AEBP2: variants seen among roughly 807,000 people sequenced by gnomAD.
AEBP2 encodes zinc finger protein AEBP2.
AEBP2 carries 10 observed loss-of-function variants against 50.8 expected under a neutral mutation model. The ratio of observed to expected loss-of-function variants is 0.20; its 90% CI spans 0.12 to 0.33. The LOEUF (loss-of-function observed/expected upper bound fraction) is 0.33, where lower values mean the gene tolerates loss of function less well. Among genes scored for constraint, AEBP2 ranks in the 10% least tolerant of loss-of-function variants. AEBP2 has a pLI of 1.00. For missense variants in AEBP2, 570 were observed against 688.0 expected, an observed-to-expected ratio of 0.83 and a Z score of 1.92; for synonymous variants, 296 against 261.3, an observed-to-expected ratio of 1.13 and a Z score of -1.28.
intron 5 of AEBP2, among the ~76,000 whole-genome samples, chr12:19,506,384 G>A (rs563776421): frequency 5.7e-4 from 87 of 152,286 alleles, no homozygotes; most frequent in African/African-American, 1.9e-3. Flanking sequence ...ACAGGCATGA[G>A]CCACGGTGCC....
At position 19,518,725 on chromosome 12, in the gene AEBP2, C is replaced by T. The variant is rs774122547; in HGVS notation, c.*608C>T. On this transcript the variant is annotated 3_prime_UTR_variant, in exon 8 of 8. Transcript: ENST00000266508. ...TTGTATTTAAGCAAACAGTGAACGA[C>T]GTTTGCAATCAACTAAAAATTCGTC... The T allele has an allele frequency of 2.7e-6, 4 of 1,482,456 alleles. No homozygotes were observed. The highest frequency in any genetic ancestry group is 1.3e-5 in the South Asian group (1 of 75,822). 91.8% of individuals were successfully genotyped at this position (1,482,456 alleles called of 1,614,324 possible). A position where few individuals can be genotyped will look rare whatever the true frequency, so the allele number is the denominator to read the frequency against.
intron 1 of AEBP2, among the ~76,000 whole-genome samples, chr12:19,430,337 A>G (rs1468871278): frequency 2.6e-5 from 4 of 152,004 alleles, no homozygotes; most frequent in African/African-American, 9.6e-5. Context: ...TGGTCTATAT[A>G]TCTGTTTTGG....
chr12:19,481,881 C>T (rs1948735608), intron 3 of AEBP2, among the ~76,000 whole-genome samples: 1 of 152,144 alleles, frequency 6.6e-6, no homozygotes, highest in African/African-American at 2.4e-5. Flanking sequence ...TCATCCGTAT[C>T]CTGTATTGTT....
chr12:19,493,240 A>G (rs965668273), intron 3 of AEBP2, among the ~76,000 whole-genome samples: 22 of 152,266 alleles, frequency 1.4e-4, no homozygotes, highest in African/African-American at 1.9e-4. Context: ...TAGCTCTACT[A>G]AAAATACAAA....
At chr12:19,416,398 A>G (rs1342633622) in intron 1 of AEBP2, among the ~76,000 whole-genome samples, 1 of 148,628 alleles carries the variant, frequency 6.7e-6, no homozygotes, top group African/African-American at 2.4e-5. Context: ...GGTCTTAGCT[A>G]TCTTTTCTTT....
intron 1 of AEBP2, among the ~76,000 whole-genome samples, chr12:19,446,509 C>G (rs941604246): frequency 7.2e-5 from 11 of 152,068 alleles, no homozygotes; most frequent in African/African-American, 2.4e-4. Context: ...GCAGGCAGAT[C>G]ACAAGGTCAG....
chr12:19,467,383 TC>T (rs1349658324), intron 2 of AEBP2, among the ~76,000 whole-genome samples: 1 of 152,138 alleles, frequency 6.6e-6, no homozygotes, highest in East Asian at 1.9e-4. Context: ...AACCTCCACC[TC>T]CCAGGTTCGA....
chr12:19,450,013 A>G (rs1853225703), intron 1 of AEBP2, among the ~76,000 whole-genome samples: 1 of 152,160 alleles, frequency 6.6e-6, no homozygotes, highest in Admixed American at 6.5e-5. Flanking sequence ...TTTATAACAC[A>G]CAGATGTAAT....
intron 3 of AEBP2, among the ~76,000 whole-genome samples, chr12:19,483,658 C>T (rs1403734812): frequency 6.6e-6 from 1 of 152,104 alleles, no homozygotes; most frequent in Non-Finnish European, 1.5e-5. Flanking sequence ...ATACTTTATG[C>T]TGGGATCTTT....
intron 4 of AEBP2, among the ~76,000 whole-genome samples, chr12:19,496,242 A>G (rs927160746): frequency 6.6e-6 from 1 of 152,160 alleles, no homozygotes; most frequent in Non-Finnish European, 1.5e-5. Context: ...GCTTAAGTAT[A>G]TGTTTCTTTT....
intron 5 of AEBP2, among the ~76,000 whole-genome samples, chr12:19,507,353 T>C (rs563102314): frequency 7.2e-5 from 11 of 152,254 alleles, no homozygotes; most frequent in African/African-American, 2.6e-4. Flanking sequence ...ATGAAATCCT[T>C]AGCTTCACCA....
Position 19,509,325 on chromosome 12 carries a change from G to A in AEBP2, c.1300-3073G>A, listed in dbSNP as rs1408146241. ...ATTTCATCTACTATGAATGCTTTTG[G>A]TTGGCTAAGCTAAGCCACATACTTA... On this transcript the variant is annotated intron_variant, in intron 5 of 7. Coordinates refer to ENST00000266508, the MANE Select transcript of AEBP2 (RefSeq NM_153207.5). 2.4e-5 allele frequency: 5 copies of A among 205,484 alleles called. No individual in the cohort carries two copies. The Admixed American group carries it at 2.8e-4, about 11-fold the overall frequency. 12.7% of individuals were successfully genotyped at this position (205,484 alleles called of 1,614,324 possible).
chr12:19,408,463 C>T (rs1232027645), intron 1 of AEBP2, among the ~76,000 whole-genome samples: 1 of 150,774 alleles, frequency 6.6e-6, no homozygotes. Flanking sequence ...ACAGGAGAAT[C>T]GCTTGAACCC....
At chr12:19,473,738 A>G (rs2153372432) in intron 3 of AEBP2, among the ~76,000 whole-genome samples, 1 of 152,280 alleles carries the variant, frequency 6.6e-6, no homozygotes, top group Middle Eastern at 3.4e-3. Flanking sequence ...TTAAGCTGAC[A>G]TGTTTCCTAA....
At chr12:19,467,976 A>G (rs1453492615) in intron 2 of AEBP2, among the ~76,000 whole-genome samples, 1 of 152,020 alleles carries the variant, frequency 6.6e-6, no homozygotes, top group Non-Finnish European at 1.5e-5. Flanking sequence ...AGCACTCAGG[A>G]GGTCAAGGTT....
intron 4 of AEBP2, among the ~76,000 whole-genome samples, chr12:19,497,094 C>T (rs1948994561): frequency 6.6e-6 from 1 of 150,834 alleles, no homozygotes; most frequent in African/African-American, 2.4e-5. Context: ...ATAATAAATA[C>T]TTGTATTGCT....
chr12:19,422,642 A>G (rs1428646657), intron 1 of AEBP2, among the ~76,000 whole-genome samples: 1 of 151,798 alleles, frequency 6.6e-6, no homozygotes, highest in African/African-American at 2.4e-5. Context: ...GATTACAGGC[A>G]TGTGCCACCA....
intron 5 of AEBP2, among the ~76,000 whole-genome samples, chr12:19,503,498 G>A (rs967007743): frequency 2.0e-5 from 3 of 152,076 alleles, no homozygotes; most frequent in African/African-American, 7.2e-5. Context: ...AGGTTTATGA[G>A]CTTTTTGGTG....
chr12:19,482,496 A>T (rs548777435), intron 3 of AEBP2, among the ~76,000 whole-genome samples: 31 of 152,296 alleles, frequency 2.0e-4, no homozygotes, highest in African/African-American at 6.3e-4. Context: ...GATCTGGGTT[A>T]TTCTGTCATG....
Sources: gnomAD v4.1 joint callset for allele counts (sites outside exome capture counted in the v4.1 genomes callset) on GRCh38, gnomAD v4.1.1 for gene constraint, MANE v1.5 for transcripts, NCBI Gene and HGNC (gene_info 2026-07-23, HGNC 2026-07-21) for gene names.